Variants in NTNG1 observed in about 807,000 individuals in gnomAD.
NTNG1 encodes netrin G1, also known as netrin-G1.
In NTNG1, 16 loss-of-function variants were observed where a neutral mutation model predicts 54.0. The observed-to-expected ratio is 0.30, with a 90% CI of 0.20 to 0.45. The LOEUF (loss-of-function observed/expected upper bound fraction) is 0.45. NTNG1 is among the 20% of genes least tolerant of loss of function. The pLI, the probability that NTNG1 is intolerant of heterozygous loss-of-function variation, is 1.00. For missense variants in NTNG1, 530 were observed against 678.7 expected (o/e 0.78, Z 2.43); for synonymous variants, 255 against 263.1 (o/e 0.97, Z 0.30).
At chr1:107,146,664 A>C (rs1654143918) in intron 1 of NTNG1, among the ~76,000 whole-genome samples, 1 of 152,084 alleles carries the variant, frequency 6.6e-6, no homozygotes, top group African/African-American at 2.4e-5. Flanking sequence ...AATATTCAAC[A>C]CTTTTTCTAT....
At chr1:107,271,662 G>A (rs1664151450) in intron 2 of NTNG1, among the ~76,000 whole-genome samples, 1 of 151,934 alleles carries the variant, frequency 6.6e-6, no homozygotes, top group Admixed American at 6.6e-5. Flanking sequence ...GATATTAGAG[G>A]TAAAGTTATG....
chr1:107,225,132 A>AAGAT (rs1660589948), intron 2 of NTNG1, among the ~76,000 whole-genome samples: 1 of 152,192 alleles, frequency 6.6e-6, no homozygotes, highest in South Asian at 2.1e-4. Context: ...GTTCCAAGGA[A>AAGAT]AGATATTAAT....
intron 2 of NTNG1, among the ~76,000 whole-genome samples, chr1:107,243,391 A>G (rs924500850): frequency 5.3e-5 from 8 of 152,204 alleles, no homozygotes; most frequent in Non-Finnish European, 1.0e-4. Context: ...ATGGAATCCT[A>G]TTTGCCGGCT....
chr1:107,318,337 G>A (rs1286193216), intron 2 of NTNG1, among the ~76,000 whole-genome samples: 2 of 151,966 alleles, frequency 1.3e-5, no homozygotes, highest in Non-Finnish European at 2.9e-5. Context: ...CACACTGCTT[G>A]TATTCAAAGA....
chr1:107,376,739 T>C (rs991311767), intron 3 of NTNG1, among the ~76,000 whole-genome samples: 6 of 152,202 alleles, frequency 3.9e-5, no homozygotes, highest in African/African-American at 1.4e-4. Flanking sequence ...GCTGACATAG[T>C]ATCTCGAGTG....
At chr1:107,332,678 T>A (rs574058439) in intron 3 of NTNG1, among the ~76,000 whole-genome samples, 1 of 152,228 alleles carries the variant, frequency 6.6e-6, no homozygotes, top group South Asian at 2.1e-4. Flanking sequence ...AAAGAGACTA[T>A]TTCCATTCAT....
intron 2 of NTNG1, among the ~76,000 whole-genome samples, chr1:107,261,614 C>T (rs545497800): frequency 2.6e-5 from 4 of 152,162 alleles, no homozygotes; most frequent in Admixed American, 6.5e-5. Flanking sequence ...GAGGCCGAGG[C>T]GGGCAGATCA....
At chr1:107,416,166 T>A (rs1316605992) in intron 5 of NTNG1, among the ~76,000 whole-genome samples, 2 of 152,250 alleles carry the variant, frequency 1.3e-5, no homozygotes, top group Non-Finnish European at 2.9e-5. Flanking sequence ...GATAACATTT[T>A]TCCTCCCAAG....
intron 5 of NTNG1, among the ~76,000 whole-genome samples, chr1:107,429,181 T>G (rs1170238197): frequency 6.6e-6 from 1 of 152,108 alleles, no homozygotes; most frequent in African/African-American, 2.4e-5. Flanking sequence ...GTCCCGAAGT[T>G]GCTGACACTG....
Position 107,450,531 on chromosome 1 carries a change from A to C in NTNG1, c.1390+13732A>C, listed in dbSNP as rs1224172049. Among the ~76,000 whole-genome samples, 7 of 152,256 alleles carry C rather than the reference A, an allele frequency of 4.6e-5. No individual in the cohort carries two copies. In the East Asian group the frequency reaches 7.7e-4, roughly 17 times the overall value. On this transcript the variant is annotated intron_variant, in intron 7 of 7. Transcript: ENST00000370068. ...TAACAAATTTAAGAAATCAATTTAC[A>C]AACAAATGACATAATAAAACGAAAG...
chr1:107,275,929 GAGA>G (rs1190423396), intron 2 of NTNG1, among the ~76,000 whole-genome samples: 1 of 152,174 alleles, frequency 6.6e-6, no homozygotes, highest in Non-Finnish European at 1.5e-5. Context: ...TCTAGTAAAA[GAGA>G]AGAAGGGCTT....
chr1:107,356,629 AT>A lies in NTNG1; in HGVS notation c.887+31716del, dbSNP rs765027832. 1.5e-4 allele frequency among the ~76,000 whole-genome samples: 22 copies of A among 151,570 alleles called. No homozygotes were observed. In the East Asian group the frequency reaches 2.3e-3, roughly 16 times the overall value. On this transcript the variant is annotated intron_variant, in intron 3 of 7. Coordinates refer to ENST00000370068, the MANE Select transcript of NTNG1 (RefSeq NM_001113226.3). ...ATGAATTAACCAATTTATAAGAATG[AT>A]TTTTTTTTAAGGAAGAATTTGGCTA...
chr1:107,381,638 CTG>C (rs1386889651), intron 3 of NTNG1, among the ~76,000 whole-genome samples: 1 of 152,140 alleles, frequency 6.6e-6, no homozygotes, highest in East Asian at 1.9e-4. Context: ...GTGATGTACT[CTG>C]TGCTGTAGTC....
At chr1:107,354,191 C>T (rs1010463764) in intron 3 of NTNG1, among the ~76,000 whole-genome samples, 1 of 152,000 alleles carries the variant, frequency 6.6e-6, no homozygotes, top group Non-Finnish European at 1.5e-5. Context: ...ATTAAATTGG[C>T]CAGGCATGGT....
intron 7 of NTNG1, among the ~76,000 whole-genome samples, chr1:107,475,032 G>T (rs963915337): frequency 6.6e-6 from 1 of 152,200 alleles, no homozygotes; most frequent in Non-Finnish European, 1.5e-5. Context: ...TGTATGAGCT[G>T]ATTTGTACTT....
chr1:107,370,981 T>C (rs1223723994), intron 3 of NTNG1, among the ~76,000 whole-genome samples: 1 of 152,132 alleles, frequency 6.6e-6, no homozygotes, highest in Non-Finnish European at 1.5e-5. Context: ...TAATAGCTTA[T>C]TTTAAATTCT....
At chr1:107,190,897 G>T (rs572623514) in intron 2 of NTNG1, among the ~76,000 whole-genome samples, 4 of 152,300 alleles carry the variant, frequency 2.6e-5, no homozygotes, top group Non-Finnish European at 2.9e-5. Context: ...ACATGTGCAT[G>T]TGTCTTTATA....
At chr1:107,288,806 A>G (rs1665384796) in intron 2 of NTNG1, among the ~76,000 whole-genome samples, 1 of 152,136 alleles carries the variant, frequency 6.6e-6, no homozygotes, top group African/African-American at 2.4e-5. Flanking sequence ...ATTTTGTTCA[A>G]AGGTTACATA....
chr1:107,329,413 G>A (rs7534510), intron 3 of NTNG1, among the ~76,000 whole-genome samples: 143,225 of 152,280 alleles, frequency 0.94, 67,989 homozygotes, highest in East Asian at 1. Context: ...GAACAAGGTG[G>A]AGCTGACATC....
Sources: gnomAD v4.1 joint callset for allele counts (sites outside exome capture counted in the v4.1 genomes callset) on GRCh38, gnomAD v4.1.1 for gene constraint, MANE v1.5 for transcripts, NCBI Gene and HGNC (gene_info 2026-07-23, HGNC 2026-07-21) for gene names.